The following ZPBP variants were observed in gnomAD, a reference collection of about 807,000 sequenced individuals.
The protein encoded by ZPBP is zona pellucida binding protein, also known as zona pellucida-binding protein 1.
A neutral mutation model predicts 44.8 loss-of-function variants in ZPBP; 26 were observed. That is an observed-to-expected ratio of 0.58 (90% CI 0.43 to 0.81). The LOEUF (loss-of-function observed/expected upper bound fraction) is 0.81, where lower values mean the gene tolerates loss of function less well. Ranked by LOEUF, ZPBP falls within the 30% of genes least tolerant of loss-of-function variation. The pLI is 0.00. For missense variants in ZPBP, 409 were observed against 434.0 expected (o/e 0.94, Z 0.51); for synonymous variants, 174 against 153.2 (o/e 1.14, Z -1.00).
chr7:49,958,275 G>A (rs1178360214), intron 7 of ZPBP, among the ~76,000 whole-genome samples: 1 of 152,176 alleles, frequency 6.6e-6, no homozygotes, highest in East Asian at 1.9e-4. Context: ...GCTGAAACAA[G>A]TTAAGACTTT....
intron 2 of ZPBP, among the ~76,000 whole-genome samples, chr7:49,869,149 C>T (rs972295300): frequency 2.6e-5 from 4 of 151,930 alleles, no homozygotes; most frequent in Admixed American, 1.3e-4. Context: ...TGCTTAAACA[C>T]TACAGTAAGG....
intron 7 of ZPBP, among the ~76,000 whole-genome samples, chr7:49,976,067 C>G (rs1796501699): frequency 6.6e-6 from 1 of 152,106 alleles, no homozygotes; most frequent in South Asian, 2.1e-4. Flanking sequence ...TAATACAAAT[C>G]ATTACTTATA....
intron 4 of ZPBP, among the ~76,000 whole-genome samples, chr7:50,053,428 T>A (rs1800783694): frequency 6.6e-6 from 1 of 152,158 alleles, no homozygotes; most frequent in East Asian, 1.9e-4. Context: ...ACAATTCGAG[T>A]ATGACAATGA....
intron 2 of ZPBP, among the ~76,000 whole-genome samples, chr7:49,882,739 G>A (rs2128727652): frequency 6.6e-6 from 1 of 152,258 alleles, no homozygotes; most frequent in African/African-American, 2.4e-5. Context: ...GGCCACACAA[G>A]AAGCACAGAC....
chr7:49,986,236 C>T (rs11767401), intron 6 of ZPBP, among the ~76,000 whole-genome samples: 39,938 of 152,080 alleles, frequency 0.26, 6,516 homozygotes, highest in Non-Finnish European at 0.37. Context: ...GTATCCCCCA[C>T]CCTCCGTTGC....
intron 7 of ZPBP, among the ~76,000 whole-genome samples, chr7:49,942,028 C>T (rs538461369): frequency 1.3e-5 from 2 of 152,062 alleles, no homozygotes; most frequent in South Asian, 4.1e-4. Context: ...ATTTTTTTCA[C>T]CCAATGGTAT....
At chr7:49,849,760 C>T (rs903434529), downstream of ZPBP, among the ~76,000 whole-genome samples, 8 of 152,202 alleles carry the variant, frequency 5.3e-5, no homozygotes, top group African/African-American at 1.9e-4. Flanking sequence ...TTATTCTGCT[C>T]TCTGAGAGTC....
intron 6 of ZPBP, among the ~76,000 whole-genome samples, chr7:49,986,411 G>A (rs1430674154): frequency 6.6e-6 from 1 of 152,176 alleles, no homozygotes; most frequent in Non-Finnish European, 1.5e-5. Flanking sequence ...CCTCCCAGCT[G>A]GGGCTGGGGC....
intron 2 of ZPBP, among the ~76,000 whole-genome samples, chr7:49,856,969 C>T (rs998426745): frequency 1.7e-5 from 2 of 121,126 alleles, no homozygotes; most frequent in Admixed American, 1.1e-4. Flanking sequence ...GAGATCGGGC[C>T]ACTGCACTCC....
chr7:49,883,844 T>C (rs1214370338), intron 2 of ZPBP, among the ~76,000 whole-genome samples: 182 of 152,234 alleles, frequency 1.2e-3, no homozygotes, highest in Non-Finnish European at 8.8e-5. Context: ...CCCTAGTGAA[T>C]GTTTGAATTT....
intron 6 of ZPBP, among the ~76,000 whole-genome samples, chr7:50,008,010 T>A (rs1798390469): frequency 6.6e-6 from 1 of 151,754 alleles, no homozygotes; most frequent in African/African-American, 2.4e-5. Context: ...GCACCAGTAC[T>A]CCTAGGAACA....
At chr7:50,047,880 C>A (rs1034325587) in intron 4 of ZPBP, among the ~76,000 whole-genome samples, 1 of 152,064 alleles carries the variant, frequency 6.6e-6, no homozygotes, top group Admixed American at 6.6e-5. Context: ...GGGTGGAGTG[C>A]GCGAGGAAGC....
chr7:49,979,514 T>C (rs562198971), intron 7 of ZPBP, among the ~76,000 whole-genome samples: 1 of 151,894 alleles, frequency 6.6e-6, no homozygotes, highest in Admixed American at 6.6e-5. Flanking sequence ...TTGAGTGTAA[T>C]CATTACATGG....
intron 3 of ZPBP, among the ~76,000 whole-genome samples, chr7:50,077,710 A>T (rs761044992): frequency 7.2e-5 from 11 of 151,818 alleles, no homozygotes; most frequent in Non-Finnish European, 1.6e-4. Flanking sequence ...CTCACCAGTT[A>T]AAATGGCTTA....
chr7:50,031,429 T>C, intron 4 of ZPBP, 119 bp from the exon 5 acceptor site: 1 of 767,940 alleles, frequency 1.3e-6, no homozygotes, highest in Non-Finnish European at 2.0e-6. Context: ...TTTTTAGATA[T>C]AATTATATTT....
In ZPBP at chr7:50,005,823, A is replaced by ATGTGTGTGTG. The variant is rs71018444; in HGVS notation, c.783+12407_783+12416dup. On this transcript the variant is annotated intron_variant, in intron 6 of 7. Transcript: ENST00000046087. ...AATGAGTTAAACTTCATAACTATAT[A>ATGTGTGTGTG]TGTGTGTGTGTGTGTGTGTGTGTGT... is the stretch of plus-strand genomic sequence containing the variant. Among the ~76,000 whole-genome samples the ATGTGTGTGTG allele has an allele frequency of 6.5e-3, 939 of 144,890 alleles. 10 individuals are homozygous for ATGTGTGTGTG. The highest frequency in any genetic ancestry group is 0.022 in the African/African-American group (830 of 38,294).
At chr7:49,906,464 T>C (rs1793096933) in intron 1 of ZPBP, among the ~76,000 whole-genome samples, 1 of 152,092 alleles carries the variant, frequency 6.6e-6, no homozygotes, top group Admixed American at 6.5e-5. Context: ...GCCTCCCAAG[T>C]AGCTGGGACT....
At chr7:50,089,148 G>A (rs374750409) in intron 2 of ZPBP, among the ~76,000 whole-genome samples, 52 of 151,918 alleles carry the variant, frequency 3.4e-4, no homozygotes, top group African/African-American at 1.2e-3. Context: ...AATTACATAG[G>A]GGCAATGGTT....
chr7:49,960,824 T>C (rs577398534), intron 7 of ZPBP, among the ~76,000 whole-genome samples: 9 of 152,298 alleles, frequency 5.9e-5, no homozygotes, highest in Middle Eastern at 6.8e-3. Flanking sequence ...ATGGCTAAGA[T>C]GTAAAAGACT....
Sources: allele counts gnomAD v4.1 joint callset (sites outside exome capture counted in the v4.1 genomes callset), GRCh38; gene constraint gnomAD v4.1.1; transcripts MANE v1.5; gene names NCBI Gene and HGNC (gene_info 2026-07-23, HGNC 2026-07-21).